The following DPYD variants were observed in gnomAD, a reference collection of about 807,000 sequenced individuals.
DPYD encodes dihydropyrimidine dehydrogenase [NADP(+)].
A neutral mutation model predicts 116.2 loss-of-function variants in DPYD; 109 were observed. The observed-to-expected ratio is 0.94, with a 90% CI of 0.80 to 1.10. The LOEUF is 1.10. Ranked by LOEUF, DPYD falls within the 50% of genes least tolerant of loss-of-function variation. The pLI, the probability that DPYD is intolerant of heterozygous loss-of-function variation, is 0.00. For synonymous variants in DPYD, 440 were observed against 432.0 expected (o/e 1.02, Z -0.23); for missense variants, 1,302 against 1,254.5 (o/e 1.04, Z -0.57).
chr1:97,359,539 A>G (rs1670605874), intron 16 of DPYD, among the ~76,000 whole-genome samples: 1 of 152,194 alleles, frequency 6.6e-6, no homozygotes, highest in Admixed American at 6.5e-5. Flanking sequence ...GAAGGAAAAA[A>G]TGTTAAGGGC....
intron 5 of DPYD, among the ~76,000 whole-genome samples, chr1:97,705,149 T>C (rs1340615278): frequency 6.6e-6 from 1 of 152,034 alleles, no homozygotes; most frequent in Non-Finnish European, 1.5e-5. Flanking sequence ...TTTTAAATTA[T>C]ACTTTAAGTT....
intron 4 of DPYD, among the ~76,000 whole-genome samples, chr1:97,730,289 T>C (rs148716878): frequency 6.2e-4 from 94 of 152,272 alleles, no homozygotes; most frequent in African/African-American, 2.1e-3. Context: ...TGGCGATATC[T>C]TGGCTCACTG....
chr1:97,403,500 T>C (rs982269035), intron 14 of DPYD, among the ~76,000 whole-genome samples: 1 of 152,094 alleles, frequency 6.6e-6, no homozygotes, highest in African/African-American at 2.4e-5. Flanking sequence ...CTTTAATAGA[T>C]ATAAGCTGAT....
At chr1:97,304,065 A>C (rs944744488) in intron 18 of DPYD, among the ~76,000 whole-genome samples, 1 of 152,054 alleles carries the variant, frequency 6.6e-6, no homozygotes. Flanking sequence ...GGTGTTACTT[A>C]TATAAAATAC....
In DPYD at chr1:97,087,139, C is replaced by A. The variant is rs145653099; in HGVS notation, c.2767-4669G>T. Among the ~76,000 whole-genome samples the A allele has an allele frequency of 1.1e-3, 161 of 152,292 alleles. 1 individual carries two copies. Among genetic ancestry groups the A allele is most frequent in the African/African-American group, 3.6e-3 (150 of 41,566 alleles). On this transcript the variant is annotated intron_variant, in intron 21 of 22. Coordinates refer to ENST00000370192, the MANE Select transcript of DPYD (RefSeq NM_000110.4). Reference sequence around the variant, plus strand: ...TTGTAGGATTCCTTTGGGGTTAGATCTCAATCTTTCTGATTTGTTTCCATC... The same window carrying A: ...TTGTAGGATTCCTTTGGGGTTAGATATCAATCTTTCTGATTTGTTTCCATC...
intron 16 of DPYD, among the ~76,000 whole-genome samples, chr1:97,362,905 T>C (rs1670814956): frequency 6.6e-6 from 1 of 152,204 alleles, no homozygotes; most frequent in African/African-American, 2.4e-5. Context: ...AAGGACTTCA[T>C]GTCTAAAACA....
rs1477889139 is a variant in DPYD, at chr1:97,854,032, T to C, written c.151-25836A>G. Among the ~76,000 whole-genome samples the C allele has an allele frequency of 5.3e-5, 8 of 152,330 alleles. No individual in the cohort carries two copies. In the East Asian group the frequency reaches 1.5e-3, roughly 29 times the overall value. The stretch of plus-strand genomic sequence containing the variant: ...GTCTGTTGCTCACACATTTGACTGC[T>C]GATTATATTGTTAACTCTTCAGAAT... On this transcript the variant is annotated intron_variant, in intron 2 of 22. Transcript: ENST00000370192.
In DPYD at chr1:97,414,705, G is replaced by T. The variant is rs544943935; in HGVS notation, c.1906-32244C>A. Among the ~76,000 whole-genome samples, 24 of 152,300 alleles carry T rather than the reference G, an allele frequency of 1.6e-4. No homozygotes were observed. In the East Asian group the frequency reaches 4.0e-3, roughly 26 times the overall value. On this transcript the variant is annotated intron_variant, in intron 14 of 22. Transcript: ENST00000370192. ...AGAGATTGTATTCTTCACTGAATAT[G>T]CTGTAGCTAGAAAATGTCTTAGTTA...
intron 20 of DPYD, among the ~76,000 whole-genome samples, chr1:97,183,008 C>A: frequency 6.6e-6 from 1 of 151,978 alleles, no homozygotes; most frequent in East Asian, 1.9e-4. Flanking sequence ...TTAATTGTAT[C>A]TTTTGATGAG....
At chr1:97,421,965 A>G (rs548235477) in intron 14 of DPYD, among the ~76,000 whole-genome samples, 1 of 152,130 alleles carries the variant, frequency 6.6e-6, no homozygotes, top group African/African-American at 2.4e-5. Flanking sequence ...GAAATACAGA[A>G]TAGGGGCAGT....
At chr1:97,292,409 G>C (rs1348807704) in intron 18 of DPYD, among the ~76,000 whole-genome samples, 1 of 152,120 alleles carries the variant, frequency 6.6e-6, no homozygotes, top group Non-Finnish European at 1.5e-5. Flanking sequence ...GAAGCGCAGA[G>C]TGAAGTGGGG....
chr1:97,727,318 C>T (rs951244269), intron 4 of DPYD, among the ~76,000 whole-genome samples: 4 of 151,640 alleles, frequency 2.6e-5, no homozygotes, highest in African/African-American at 4.8e-5. Context: ...GGTGTAATGA[C>T]TTGGCAATTT....
intron 14 of DPYD, among the ~76,000 whole-genome samples, chr1:97,404,362 C>A (rs1673531513): frequency 6.6e-6 from 1 of 151,514 alleles, no homozygotes; most frequent in Non-Finnish European, 1.5e-5. Flanking sequence ...CCTGCTGGAT[C>A]TGTCCATTTC....
intron 16 of DPYD, among the ~76,000 whole-genome samples, chr1:97,340,535 G>A (rs1240138827): frequency 6.6e-6 from 1 of 152,080 alleles, no homozygotes; most frequent in Non-Finnish European, 1.5e-5. Flanking sequence ...TTAGCTAGGT[G>A]TTGTGATGTG....
intron 13 of DPYD, among the ~76,000 whole-genome samples, chr1:97,495,651 A>G (rs971889297): frequency 1.3e-5 from 2 of 152,082 alleles, no homozygotes; most frequent in African/African-American, 4.8e-5. Context: ...ACACATCATT[A>G]TCATTATTAT....
chr1:97,102,084 A>T (rs1650732087), intron 20 of DPYD, among the ~76,000 whole-genome samples: 1 of 152,018 alleles, frequency 6.6e-6, no homozygotes, highest in Non-Finnish European at 1.5e-5. Flanking sequence ...GTCTATTTGG[A>T]TTATAATTTA....
intron 21 of DPYD, among the ~76,000 whole-genome samples, chr1:97,098,138 T>C (rs534923719): frequency 5.9e-5 from 9 of 152,252 alleles, no homozygotes; most frequent in African/African-American, 2.2e-4. Flanking sequence ...TGAGTTGTAC[T>C]ACATGACTAA....
intron 8 of DPYD, among the ~76,000 whole-genome samples, chr1:97,676,017 G>C (rs2100909102): frequency 6.6e-6 from 1 of 152,224 alleles, no homozygotes; most frequent in Non-Finnish European, 1.5e-5. Flanking sequence ...AAAGTGCTGG[G>C]ATTACAGGTG....
At chr1:97,642,706 G>A (rs899845120) in intron 8 of DPYD, among the ~76,000 whole-genome samples, 4 of 122,926 alleles carry the variant, frequency 3.3e-5, no homozygotes, top group African/African-American at 1.2e-4. Flanking sequence ...ACAGGAAGGG[G>A]AACATCACAC....
Sources: gnomAD v4.1 joint callset for allele counts (sites outside exome capture counted in the v4.1 genomes callset) on GRCh38, gnomAD v4.1.1 for gene constraint, MANE v1.5 for transcripts, NCBI Gene and HGNC (gene_info 2026-07-23, HGNC 2026-07-21) for gene names.